Variants in CDH4 observed in about 807,000 individuals in gnomAD.
The protein encoded by CDH4 is cadherin-4.
A neutral mutation model predicts 86.0 loss-of-function variants in CDH4; 33 were observed. The observed-to-expected ratio is 0.38, with a 90% CI of 0.29 to 0.51. The LOEUF is 0.51. Among genes scored for constraint, CDH4 ranks in the 20% least tolerant of loss-of-function variants. CDH4 has a pLI of 0.86. For synonymous variants in CDH4, 555 were observed against 549.4 expected (o/e 1.01, Z -0.14); for missense variants, 1,114 against 1,307.4 (o/e 0.85, Z 2.28).
chr20:61,330,718 G>A (rs1220200277), intron 2 of CDH4, among the ~76,000 whole-genome samples: 1 of 152,198 alleles, frequency 6.6e-6, no homozygotes, highest in African/African-American at 2.4e-5. Context: ...TTGGGAATTC[G>A]CTTTTCTCAC....
At position 61,507,797 on chromosome 20, in the gene CDH4, A is replaced by G. The variant is rs2085751784; in HGVS notation, c.170-235766A>G. 3.3e-5 allele frequency among the ~76,000 whole-genome samples: 5 copies of G among 152,324 alleles called. No individual in the cohort carries two copies. In the South Asian group the frequency reaches 1.0e-3, roughly 32 times the overall value. ...AACTCTGGACTTCATTAATAACAAC[A>G]TATTGGCACTTATTCTAACAAGTGT... is the stretch of plus-strand genomic sequence containing the variant. On this transcript the variant is annotated intron_variant, in intron 2 of 15. Transcript: ENST00000614565.
intron 2 of CDH4, among the ~76,000 whole-genome samples, chr20:61,469,751 G>A (rs2085492020): frequency 1.3e-5 from 2 of 152,124 alleles, no homozygotes; most frequent in African/African-American, 2.4e-5. Flanking sequence ...GCAAGAGATA[G>A]GGATCTGGTT....
chr20:61,374,508 TA>T (rs1055170109), intron 2 of CDH4, among the ~76,000 whole-genome samples: 8 of 152,264 alleles, frequency 5.3e-5, no homozygotes, highest in African/African-American at 1.9e-4. Flanking sequence ...GCAAGTTATT[TA>T]AGGTACCTGG....
chr20:61,802,218 G>C (rs1003596860), intron 4 of CDH4, among the ~76,000 whole-genome samples: 1 of 152,210 alleles, frequency 6.6e-6, no homozygotes, highest in African/African-American at 2.4e-5. Context: ...GCCCCAGAAA[G>C]GGCGCTACAC....
intron 2 of CDH4, among the ~76,000 whole-genome samples, chr20:61,610,331 A>ATTCTT (rs1331803812): frequency 6.6e-6 from 1 of 152,228 alleles, no homozygotes; most frequent in Non-Finnish European, 1.5e-5. Flanking sequence ...ACAGAATTTC[A>ATTCTT]TTCTTTTTTA....
intron 2 of CDH4, among the ~76,000 whole-genome samples, chr20:61,619,941 A>C (rs1365421062): frequency 6.6e-6 from 1 of 152,210 alleles, no homozygotes; most frequent in Non-Finnish European, 1.5e-5. Context: ...CAGCTGCACC[A>C]GGGCCTCCAT....
At chr20:61,867,563 G>GAA (rs1983606787) in intron 6 of CDH4, among the ~76,000 whole-genome samples, 3 of 84,998 alleles carry the variant, frequency 3.5e-5, no homozygotes, top group Non-Finnish European at 5.5e-5. Context: ...AAAAAAAAAA[G>GAA]AGAGAGAGAG....
At chr20:61,598,198 A>T (rs1340776172) in intron 2 of CDH4, among the ~76,000 whole-genome samples, 1 of 152,088 alleles carries the variant, frequency 6.6e-6, no homozygotes, top group East Asian at 1.9e-4. Context: ...TGATCTGCTG[A>T]ATTGCTGGGA....
At chr20:61,637,012 A>G (rs976070118) in intron 2 of CDH4, among the ~76,000 whole-genome samples, 3 of 152,216 alleles carry the variant, frequency 2.0e-5, no homozygotes, top group African/African-American at 7.2e-5. Flanking sequence ...ACTCCAGTCC[A>G]GCAAAGGTTC....
At chr20:61,433,558 C>A (rs2085261475) in intron 2 of CDH4, among the ~76,000 whole-genome samples, 1 of 151,704 alleles carries the variant, frequency 6.6e-6, no homozygotes, top group Non-Finnish European at 1.5e-5. Context: ...AAATCACTCT[C>A]AAAAATCACT....
chr20:61,727,893 A>T (rs1489147127), intron 2 of CDH4, among the ~76,000 whole-genome samples: 1 of 152,218 alleles, frequency 6.6e-6, no homozygotes, highest in Non-Finnish European at 1.5e-5. Context: ...CACAAGACTT[A>T]GCTGGGCCAA....
At chr20:61,927,837 G>A (rs182427436) in intron 11 of CDH4, among the ~76,000 whole-genome samples, 2 of 152,288 alleles carry the variant, frequency 1.3e-5, no homozygotes, top group African/African-American at 4.8e-5. Context: ...TGTGGGTGTG[G>A]CCGTGTGCTC....
intron 2 of CDH4, among the ~76,000 whole-genome samples, chr20:61,565,285 GGTGA>G (rs2086277384): frequency 1.0e-5 from 1 of 99,986 alleles, no homozygotes; most frequent in Non-Finnish European, 2.1e-5. Flanking sequence ...TTGGTGATGG[GGTGA>G]TGGTGGTGGC....
rs986926035 is a variant in CDH4, at chr20:61,516,090, C to T, written c.170-227473C>T. 7.2e-5 allele frequency among the ~76,000 whole-genome samples: 11 copies of T among 152,170 alleles called. No homozygotes were observed. The highest frequency in any genetic ancestry group is 1.2e-4 in the African/African-American group (5 of 41,436). On this transcript the variant is annotated intron_variant, in intron 2 of 15. Transcript: ENST00000614565. This position sits in a 1 kb window ranked among gnomAD's most constrained non-coding sequence, Gnocchi z 4.0. ...AGGCAGCTCCCTCACCACAGGGGCT[C>T]GCCTCGTGCTCTGCGTTGCACTGGC... is the stretch of plus-strand genomic sequence containing the variant.
intron 9 of CDH4, among the ~76,000 whole-genome samples, chr20:61,919,363 C>T (rs962478412): frequency 2.6e-5 from 4 of 152,174 alleles, no homozygotes; most frequent in Non-Finnish European, 4.4e-5. Flanking sequence ...GCTTCACTGC[C>T]GGCCCCAAGC....
intron 6 of CDH4, among the ~76,000 whole-genome samples, chr20:61,865,767 G>A (rs1184395479): frequency 6.6e-6 from 1 of 151,442 alleles, no homozygotes; most frequent in East Asian, 2.0e-4. Flanking sequence ...ACTGGTTAGT[G>A]TATGTAATGG....
chr20:61,383,131 A>G (rs2084914776), intron 2 of CDH4, among the ~76,000 whole-genome samples: 1 of 84,614 alleles, frequency 1.2e-5, no homozygotes, highest in Admixed American at 1.2e-4. Flanking sequence ...ATATGAATAT[A>G]TTATATATAT....
chr20:61,353,495 A>G lies in CDH4; in HGVS notation c.169+98558A>G, dbSNP rs1177405313. On this transcript the variant is annotated intron_variant, in intron 2 of 15. Transcript: ENST00000614565. ...GCTGCCTTAATACACTGAGCCTTGC[A>G]GAATATAATCTTCACAGAAAACCGA... 2.6e-5 allele frequency among the ~76,000 whole-genome samples: 4 copies of G among 151,980 alleles called. No homozygotes were observed. In the East Asian group the frequency reaches 7.8e-4, roughly 29 times the overall value.
At position 61,377,608 on chromosome 20, in the gene CDH4, A is replaced by G. The variant is rs938953220; in HGVS notation, c.169+122671A>G. On this transcript the variant is annotated intron_variant, in intron 2 of 15. Coordinates refer to ENST00000614565, the MANE Select transcript of CDH4 (RefSeq NM_001794.5). This position sits in a 1 kb window ranked among gnomAD's most constrained non-coding sequence, Gnocchi z 4.0. ...AGTCAACGAGTCGCTTTAGCTTTCA[A>G]ACAACTGTAGTGTCTTTAACTTTAT... Among the ~76,000 whole-genome samples, 4 of 152,218 alleles carry G rather than the reference A, an allele frequency of 2.6e-5. No homozygotes were observed. Among genetic ancestry groups the G allele is most frequent in the African/African-American group, 9.6e-5 (4 of 41,458 alleles).
Sources: allele counts gnomAD v4.1 joint callset (sites outside exome capture counted in the v4.1 genomes callset), GRCh38; gene constraint gnomAD v4.1.1; non-coding constraint Gnocchi (gnomAD v3.1); transcripts MANE v1.5; gene names NCBI Gene and HGNC (gene_info 2026-07-23, HGNC 2026-07-21).